TTC7B: variants seen among roughly 807,000 people sequenced by gnomAD.
The protein encoded by TTC7B is tetratricopeptide repeat domain 7B.
A neutral mutation model predicts 106.8 loss-of-function variants in TTC7B; 28 were observed. That is an observed-to-expected ratio of 0.26 (90% CI 0.19 to 0.36). The LOEUF is 0.36. Ranked by LOEUF, TTC7B falls within the 10% of genes least tolerant of loss-of-function variation. The pLI is 1.00. For synonymous variants in TTC7B, 405 were observed against 430.6 expected (o/e 0.94, Z 0.74); for missense variants, 862 against 1,076.4 (o/e 0.80, Z 2.79).
At chr14:90,697,058 C>T (rs1887781573) in intron 5 of TTC7B, among the ~76,000 whole-genome samples, 1 of 152,128 alleles carries the variant, frequency 6.6e-6, no homozygotes, top group Non-Finnish European at 1.5e-5. Context: ...TCCAGAATCA[C>T]GGATTAAACT....
At chr14:90,616,527 T>C (rs967364210) in intron 16 of TTC7B, among the ~76,000 whole-genome samples, 1 of 44,380 alleles carries the variant, frequency 2.3e-5, no homozygotes, top group Non-Finnish European at 4.7e-5. Flanking sequence ...AGGTGGGGGC[T>C]GGGGCTGCCT....
In TTC7B at chr14:90,578,207, C is replaced by A; in HGVS notation, c.2209G>T (p.Gly737Cys). 1 of 1,614,190 alleles carries A rather than the reference C, an allele frequency of 6.2e-7. No individual in the cohort carries two copies. The highest frequency in any genetic ancestry group is 8.5e-7 in the Non-Finnish European group (1 of 1,180,034). Reference sequence around the variant, plus strand: ...CTTCCCCGGAGCTCAGCAATCTGGCCGCGCATGTAGAGGACATTGTGGGAC... The same window carrying A: ...CTTCCCCGGAGCTCAGCAATCTGGCAGCGCATGTAGAGGACATTGTGGGAC... ...PMSHNVLYMR[G>C]QIAELRGSMD... The change falls in exon 19 of 20, where the codon GGC (glycine) becomes TGC (cysteine). Residue 737 changes from glycine to cysteine, a missense_variant. Transcript: ENST00000328459. This position sits in a 1 kb window ranked among gnomAD's most constrained non-coding sequence, Gnocchi z 4.7.
At chr14:90,728,678 T>C (rs1190431557) in intron 5 of TTC7B, among the ~76,000 whole-genome samples, 1 of 152,192 alleles carries the variant, frequency 6.6e-6, no homozygotes, top group Non-Finnish European at 1.5e-5. Context: ...GCAAATAAAT[T>C]ACCCAACCCA....
chr14:90,641,351 T>A (rs968598897), intron 15 of TTC7B, among the ~76,000 whole-genome samples: 1 of 152,188 alleles, frequency 6.6e-6, no homozygotes, highest in Non-Finnish European at 1.5e-5. Context: ...TTCACCTCCA[T>A]CAAGGCCTGA....
At chr14:90,548,189 A>G (rs1017969514) in intron 19 of TTC7B, among the ~76,000 whole-genome samples, 4 of 152,168 alleles carry the variant, frequency 2.6e-5, no homozygotes, top group Non-Finnish European at 4.4e-5. Flanking sequence ...GAGAGCAGTG[A>G]GCTGTCCCTC....
intron 19 of TTC7B, among the ~76,000 whole-genome samples, chr14:90,553,328 G>A (rs564551886): frequency 2.6e-5 from 4 of 152,330 alleles, no homozygotes; most frequent in African/African-American, 9.6e-5. Context: ...ACTCAACTCA[G>A]AAGGAAAAAT....
At chr14:90,712,383 G>A (rs58704481) in intron 5 of TTC7B, among the ~76,000 whole-genome samples, 16,548 of 152,180 alleles carry the variant, frequency 0.11, 997 homozygotes, top group Admixed American at 0.18. Context: ...GATCCTATAT[G>A]TAAAAATCCT....
intron 8 of TTC7B, among the ~76,000 whole-genome samples, chr14:90,678,360 T>C (rs1161531742): frequency 6.6e-6 from 1 of 152,244 alleles, no homozygotes; most frequent in African/African-American, 2.4e-5. Flanking sequence ...TTCATGCTTC[T>C]GAATTAAAGT....
chr14:90,663,928 C>G lies in TTC7B; in HGVS notation c.1153-5541G>C, dbSNP rs546480923. On this transcript the variant is annotated intron_variant, in intron 9 of 19. Transcript: ENST00000328459. The surrounding 1 kb of genome is among the most constrained non-coding windows in gnomAD (Gnocchi z 4.5). The stretch of plus-strand genomic sequence containing the variant: ...TTCAGATGCTCCTGAAATGCTGATG[C>G]CAAGCATGCTGCCTGGATATATAAC... Among the ~76,000 whole-genome samples the G allele has an allele frequency of 6.6e-6, 1 of 152,296 alleles. No homozygotes were observed. The highest frequency in any genetic ancestry group is 2.4e-5 in the African/African-American group (1 of 41,552).
rs928948872 is a variant in TTC7B, at chr14:90,729,991, T to C, written c.698+84A>G. On this transcript the variant is annotated intron_variant, in intron 5 of 19. Coordinates refer to ENST00000328459, the MANE Select transcript of TTC7B (RefSeq NM_001010854.2). The stretch of plus-strand genomic sequence containing the variant: ...GTTCATATTTAAAATTCCTTTATTA[T>C]AATAACTAAACTGGAGACAGCATTG... 59 of 1,367,460 alleles carry C rather than the reference T, an allele frequency of 4.3e-5. No individual in the cohort carries two copies. In the African/African-American group the frequency reaches 8.0e-4, roughly 19 times the overall value. 84.7% of individuals were successfully genotyped at this position (1,367,460 alleles called of 1,614,324 possible).
intron 5 of TTC7B, among the ~76,000 whole-genome samples, chr14:90,696,579 T>C (rs1012103427): frequency 6.6e-6 from 1 of 152,178 alleles, no homozygotes; most frequent in African/African-American, 2.4e-5. Flanking sequence ...AGATATTAAA[T>C]CAAACTGAAT....
intron 19 of TTC7B, among the ~76,000 whole-genome samples, chr14:90,550,810 A>G (rs1050874249): frequency 6.6e-6 from 1 of 152,070 alleles, no homozygotes; most frequent in Non-Finnish European, 1.5e-5. Flanking sequence ...TGCTTGCTGG[A>G]TAGATGGAGG....
chr14:90,617,588 G>A (rs945158334), intron 16 of TTC7B, among the ~76,000 whole-genome samples: 7 of 152,174 alleles, frequency 4.6e-5, no homozygotes, highest in South Asian at 4.1e-4. Context: ...TAAATGACTG[G>A]TCTATACATA....
In TTC7B at chr14:90,533,758, T is replaced by G. The variant is rs1357653704; in HGVS notation, c.*7610A>C. 3 of 152,330 alleles carry G rather than the reference T, an allele frequency of 2.0e-5. No homozygotes were observed. The highest frequency in any genetic ancestry group is 7.2e-5 in the African/African-American group (3 of 41,464). 9.4% of individuals were successfully genotyped at this position (152,330 alleles called of 1,614,324 possible). On this transcript the variant is annotated 3_prime_UTR_variant, in exon 20 of 20. Coordinates refer to ENST00000328459, the MANE Select transcript of TTC7B (RefSeq NM_001010854.2). ...AAGATGAGGGAGACGAGGAGGGTGG[T>G]GGGGGCTGTGGGTGGCCCGGATGGT...
At chr14:90,628,717 G>A (rs1469544853) in intron 15 of TTC7B, among the ~76,000 whole-genome samples, 1 of 152,238 alleles carries the variant, frequency 6.6e-6, no homozygotes, top group Non-Finnish European at 1.5e-5. Flanking sequence ...GGGCTCCAGG[G>A]CCACATGGGA....
chr14:90,785,800 A>G (rs1316223717), intron 2 of TTC7B, among the ~76,000 whole-genome samples: 1 of 152,164 alleles, frequency 6.6e-6, no homozygotes. Flanking sequence ...TACATTGATG[A>G]GCAGGAAGCT....
chr14:90,547,474 C>T (rs1331995015), intron 19 of TTC7B, among the ~76,000 whole-genome samples: 1 of 152,238 alleles, frequency 6.6e-6, no homozygotes. Context: ...CCTGCACTAT[C>T]CTCTGAGGCA....
chr14:90,677,611 T>G (rs1176042465), intron 8 of TTC7B, among the ~76,000 whole-genome samples: 1 of 152,230 alleles, frequency 6.6e-6, no homozygotes, highest in Non-Finnish European at 1.5e-5. Flanking sequence ...TCCATCTGTC[T>G]GTAGGAGCAG....
At chr14:90,655,558 T>C (rs547564119) in intron 11 of TTC7B, among the ~76,000 whole-genome samples, 124 of 152,328 alleles carry the variant, frequency 8.1e-4, no homozygotes, top group African/African-American at 3.0e-3. Flanking sequence ...CTCTTTGCCA[T>C]GAGCTGTTAT....
Sources: gnomAD v4.1 joint callset for allele counts (sites outside exome capture counted in the v4.1 genomes callset) on GRCh38, gnomAD v4.1.1 for gene constraint, Gnocchi (gnomAD v3.1) non-coding constraint, MANE v1.5 for transcripts, NCBI Gene and HGNC (gene_info 2026-07-23, HGNC 2026-07-21) for gene names.